Variants in SPAG16 observed in about 807,000 individuals in gnomAD.
SPAG16 encodes the protein sperm-associated antigen 16 protein.
A neutral mutation model predicts 80.4 loss-of-function variants in SPAG16; 86 were observed. The ratio of observed to expected loss-of-function variants is 1.07; its 90% CI spans 0.90 to 1.28. The LOEUF is 1.28. SPAG16 is among the 50% of genes most tolerant of loss of function. SPAG16 has a pLI of 0.00. For synonymous variants in SPAG16, 294 were observed against 265.9 expected, an observed-to-expected ratio of 1.11 and a Z score of -1.03; for missense variants, 870 against 765.3, an observed-to-expected ratio of 1.14 and a Z score of -1.61.
chr2:213,508,138 A>G (rs2075047210), intron 10 of SPAG16, among the ~76,000 whole-genome samples: 1 of 152,232 alleles, frequency 6.6e-6, no homozygotes, highest in Admixed American at 6.5e-5. Context: ...ATGCTGCTAT[A>G]AATACACATG....
intron 10 of SPAG16, among the ~76,000 whole-genome samples, chr2:213,692,908 GA>G: frequency 6.6e-6 from 1 of 152,104 alleles, no homozygotes; most frequent in Non-Finnish European, 1.5e-5. Flanking sequence ...AGTTTTTAAG[GA>G]AAAAATACAT....
At chr2:213,619,661 A>G (rs13406869) in intron 10 of SPAG16, among the ~76,000 whole-genome samples, 26,673 of 152,160 alleles carry the variant, frequency 0.18, 3,227 homozygotes, top group Non-Finnish European at 0.27. Context: ...ACAAAAAATA[A>G]TAAATACTAG....
intron 15 of SPAG16, among the ~76,000 whole-genome samples, chr2:214,347,783 G>C (rs1477456873): frequency 6.6e-6 from 1 of 152,132 alleles, no homozygotes. Context: ...GACTAGAGGG[G>C]ATAGACAGTA....
At chr2:213,612,415 C>T (rs1213561481) in intron 10 of SPAG16, among the ~76,000 whole-genome samples, 1 of 152,126 alleles carries the variant, frequency 6.6e-6, no homozygotes, top group East Asian at 1.9e-4. Context: ...AAATATTTCT[C>T]TTGAGCCAAG....
At chr2:214,401,772 T>C (rs1231213847) in intron 15 of SPAG16, among the ~76,000 whole-genome samples, 1 of 151,946 alleles carries the variant, frequency 6.6e-6, no homozygotes, top group Non-Finnish European at 1.5e-5. Context: ...AATGCATAGT[T>C]TTAGCCAATT....
intron 10 of SPAG16, among the ~76,000 whole-genome samples, chr2:213,862,142 A>G (rs564813351): frequency 1.2e-4 from 19 of 152,338 alleles, no homozygotes; most frequent in Admixed American, 1.0e-3. Context: ...ATATCCCAAC[A>G]TAAAAATACC....
intron 10 of SPAG16, among the ~76,000 whole-genome samples, chr2:213,509,978 AG>A (rs1233957770): frequency 6.6e-6 from 1 of 152,116 alleles, no homozygotes; most frequent in African/African-American, 2.4e-5. Flanking sequence ...AAAATGATAA[AG>A]GGGATATCAC....
chr2:213,395,138 T>C (rs954012235), intron 9 of SPAG16, among the ~76,000 whole-genome samples: 1 of 152,202 alleles, frequency 6.6e-6, no homozygotes, highest in Non-Finnish European at 1.5e-5. Context: ...TCTTGCTATA[T>C]AGCAATTTAT....
chr2:214,395,197 A>T (rs748075319), intron 15 of SPAG16, among the ~76,000 whole-genome samples: 36 of 152,312 alleles, frequency 2.4e-4, no homozygotes, highest in Middle Eastern at 3.4e-3. Flanking sequence ...TGTGGACATA[A>T]GTTTCCACCT....
chr2:213,462,630 A>T (rs1324285864), intron 9 of SPAG16, among the ~76,000 whole-genome samples: 1 of 152,146 alleles, frequency 6.6e-6, no homozygotes, highest in Non-Finnish European at 1.5e-5. Context: ...ATGGTTTAAT[A>T]AGCATCTGAC....
intron 14 of SPAG16, among the ~76,000 whole-genome samples, chr2:214,109,945 G>A (rs778980299): frequency 6.6e-6 from 1 of 152,036 alleles, no homozygotes; most frequent in East Asian, 1.9e-4. Flanking sequence ...TGTAAATCAG[G>A]CATTTTATTT....
chr2:213,417,698 A>G (rs1323293023), intron 9 of SPAG16, among the ~76,000 whole-genome samples: 1 of 152,162 alleles, frequency 6.6e-6, no homozygotes, highest in Non-Finnish European at 1.5e-5. Flanking sequence ...AAAATCTATA[A>G]TCCTACATTC....
intron 10 of SPAG16, among the ~76,000 whole-genome samples, chr2:213,594,165 C>T (rs529389424): frequency 3.9e-5 from 6 of 152,312 alleles, no homozygotes; most frequent in African/African-American, 1.4e-4. Context: ...TCTACTGGCA[C>T]TGATGTAGGT....
chr2:213,806,895 G>A (rs1481564367), intron 10 of SPAG16, among the ~76,000 whole-genome samples: 1 of 152,076 alleles, frequency 6.6e-6, no homozygotes, highest in Non-Finnish European at 1.5e-5. Context: ...GGATACATGT[G>A]TTTCTTTACT....
At chr2:214,069,564 C>T (rs2050689254) in intron 13 of SPAG16, among the ~76,000 whole-genome samples, 1 of 152,124 alleles carries the variant, frequency 6.6e-6, no homozygotes, top group South Asian at 2.1e-4. Context: ...CACTAGTTCC[C>T]ATCCAATTCT....
chr2:214,361,879 G>A (rs1049365178), intron 15 of SPAG16, among the ~76,000 whole-genome samples: 7 of 151,836 alleles, frequency 4.6e-5, no homozygotes, highest in Admixed American at 1.3e-4. Flanking sequence ...AGATAATTGC[G>A]TTATGTTATT....
At chr2:213,333,616 T>C (rs1401906311) in intron 5 of SPAG16, among the ~76,000 whole-genome samples, 1 of 152,080 alleles carries the variant, frequency 6.6e-6, no homozygotes, top group Non-Finnish European at 1.5e-5. Flanking sequence ...TACAGAAATA[T>C]AGTAACCAAA....
intron 11 of SPAG16, among the ~76,000 whole-genome samples, chr2:213,909,881 T>C (rs2077588657): frequency 6.6e-6 from 1 of 152,200 alleles, no homozygotes; most frequent in Non-Finnish European, 1.5e-5. Context: ...GAAACTTGCA[T>C]GAAAACAGGC....
chr2:213,297,465 A>T, intron 3 of SPAG16, 108 bp downstream of exon 3: 2 of 577,210 alleles, frequency 3.5e-6, no homozygotes, highest in Non-Finnish European at 6.1e-6. Flanking sequence ...GTCATCTGTT[A>T]TATCATTTTC....
Sources: gnomAD v4.1 joint callset for allele counts (sites outside exome capture counted in the v4.1 genomes callset) on GRCh38, gnomAD v4.1.1 for gene constraint, MANE v1.5 for transcripts, NCBI Gene and HGNC (gene_info 2026-07-23, HGNC 2026-07-21) for gene names.